TRPC4AP: variants seen among roughly 807,000 people sequenced by gnomAD.
TRPC4AP encodes short transient receptor potential channel 4-associated protein.
TRPC4AP carries 45 observed loss-of-function variants against 99.0 expected under a neutral mutation model. The observed-to-expected ratio is 0.45, with a 90% CI of 0.36 to 0.58. The LOEUF is 0.58. TRPC4AP is among the 20% of genes least tolerant of loss of function. TRPC4AP has a pLI of 0.00. For synonymous variants in TRPC4AP, 408 were observed against 385.8 expected, an observed-to-expected ratio of 1.06 and a Z score of -0.67; for missense variants, 879 against 985.3, an observed-to-expected ratio of 0.89 and a Z score of 1.44.
chr20:35,049,785 G>A, intron 6 of TRPC4AP, 81 bp downstream of exon 6: 5 of 1,451,112 alleles, frequency 3.4e-6, no homozygotes, highest in Non-Finnish European at 3.7e-6. Context: ...TTTTAAAAAA[G>A]CTCTGTATAT....
Position 35,016,238 on chromosome 20 carries a change from G to A in TRPC4AP, c.1219-99C>T, listed in dbSNP as rs530550599. 3.4e-5 allele frequency: 49 copies of A among 1,441,360 alleles called. No individual in the cohort carries two copies. The East Asian group carries it at 1.1e-3, about 32-fold the overall frequency. 89.3% of individuals were successfully genotyped at this position (1,441,360 alleles called of 1,614,324 possible). On this transcript the variant is annotated intron_variant, in intron 9 of 18. Transcript: ENST00000252015. ...CACACGATAATGATATTCAGGACAA[G>A]TATCAGTACTGTCAGTAAGGAGGGC...
intron 1 of TRPC4AP, among the ~76,000 whole-genome samples, chr20:35,083,836 A>C (rs2084721011): frequency 6.6e-6 from 1 of 151,852 alleles, no homozygotes; most frequent in Non-Finnish European, 1.5e-5. Context: ...AGAAAGAAAA[A>C]TGCTCTGGAT....
chr20:35,007,766 G>T, intron 13 of TRPC4AP, 126 bp from the exon 14 acceptor site: 1 of 956,508 alleles, frequency 1.0e-6, no homozygotes, highest in East Asian at 2.5e-5. Context: ...CATCTACCAA[G>T]CATCAGGCTT....
intron 1 of TRPC4AP, among the ~76,000 whole-genome samples, chr20:35,089,037 C>T (rs558346975): frequency 1.0e-5 from 1 of 97,174 alleles, no homozygotes; most frequent in Admixed American, 1.4e-4. Context: ...CTTAACTATA[C>T]ACCTTTTTTT....
rs1215806235 is a variant in TRPC4AP, at chr20:35,049,820, T to C, written c.657+46A>G. On this transcript the variant is annotated intron_variant, in intron 6 of 18. Transcript: ENST00000252015. ...TTATTCAGTTTTGAGAATCCAATGGTCTGAGACACCCTTCCCCATCTGGTC... is the reference window on the plus strand; with the variant it reads ...TTATTCAGTTTTGAGAATCCAATGGCCTGAGACACCCTTCCCCATCTGGTC... The C allele has an allele frequency of 2.5e-6, 4 of 1,574,020 alleles. No homozygotes were observed. The South Asian group carries it at 4.7e-5, about 19-fold the overall frequency.
In TRPC4AP at chr20:35,068,908, G is replaced by A. The variant is rs535209390; in HGVS notation, c.414+388C>T. On this transcript the variant is annotated intron_variant, in intron 3 of 18. Coordinates refer to ENST00000252015, the MANE Select transcript of TRPC4AP (RefSeq NM_015638.3). Reference sequence around the variant, plus strand: ...GTATATGGTATATCACTCTATGTGCGGAGAAAATAAACTAAGGTGGAGGTG... The same window carrying A: ...GTATATGGTATATCACTCTATGTGCAGAGAAAATAAACTAAGGTGGAGGTG... 1.7e-4 allele frequency among the ~76,000 whole-genome samples: 26 copies of A among 149,878 alleles called. No homozygotes were observed. The South Asian group carries it at 3.2e-3, about 18-fold the overall frequency.
intron 8 of TRPC4AP, among the ~76,000 whole-genome samples, chr20:35,022,728 T>C (rs1463512335): frequency 6.6e-6 from 1 of 152,132 alleles, no homozygotes; most frequent in Non-Finnish European, 1.5e-5. Context: ...CAGAAGACCC[T>C]AACTTATTCC....
chr20:35,049,871 T>C lies in TRPC4AP; in HGVS notation c.652A>G (p.Lys218Glu). 6.2e-7 allele frequency: 1 copy of C among 1,613,218 alleles called. No individual in the cohort carries two copies. Among genetic ancestry groups the C allele is most frequent in the Non-Finnish European group, 8.5e-7 (1 of 1,179,536 alleles). The change falls in exon 6 of 19, where the codon AAA (lysine) becomes GAA (glutamate). Residue 218 changes from lysine to glutamate, a missense_variant. Physicochemically the swap from Lys to Glu is moderately conservative, Grantham distance 56. Transcript: ENST00000252015. The part of the protein sequence containing the change: ...ATLIEDILGV[K>E]KEMIRLDEVP... ...AGCTAGAGGACACAGCTCACCTTTT[T>C]AACACCCAAAATATCTTCAATGAGG...
intron 11 of TRPC4AP, among the ~76,000 whole-genome samples, chr20:35,010,793 G>A (rs2082617951): frequency 6.6e-6 from 1 of 152,018 alleles, no homozygotes; most frequent in South Asian, 2.1e-4. Context: ...TATCCCACAG[G>A]AACTGAGTCA....
chr20:35,042,656 A>T (rs573200011), intron 7 of TRPC4AP, among the ~76,000 whole-genome samples: 1 of 152,338 alleles, frequency 6.6e-6, no homozygotes, highest in South Asian at 2.1e-4. Context: ...TTGAAAAACT[A>T]GCTTTTAAGA....
At chr20:35,037,334 G>A (rs1309393075) in intron 7 of TRPC4AP, among the ~76,000 whole-genome samples, 5 of 127,564 alleles carry the variant, frequency 3.9e-5, no homozygotes, top group African/African-American at 1.2e-4. Context: ...GCGAAAGAGC[G>A]AGACTCTGTC....
chr20:35,052,893 T>A (rs979566386), intron 5 of TRPC4AP, among the ~76,000 whole-genome samples: 1 of 152,180 alleles, frequency 6.6e-6, no homozygotes, highest in African/African-American at 2.4e-5. Context: ...ACACCAGCAA[T>A]TCCAAACATT....
chr20:35,072,713 C>T (rs772508432), intron 2 of TRPC4AP, among the ~76,000 whole-genome samples: 12 of 152,174 alleles, frequency 7.9e-5, no homozygotes, highest in East Asian at 1.9e-4. Flanking sequence ...AGTCAGGTAG[C>T]GTGATGCCTC....
intron 8 of TRPC4AP, among the ~76,000 whole-genome samples, chr20:35,022,091 G>A (rs755647335): frequency 6.6e-6 from 1 of 151,468 alleles, no homozygotes; most frequent in African/African-American, 2.5e-5. Flanking sequence ...GGGTTACTGT[G>A]CAGACTGAAT....
At chr20:35,031,892 TAA>T (rs1339666961) in intron 8 of TRPC4AP, among the ~76,000 whole-genome samples, 1 of 151,968 alleles carries the variant, frequency 6.6e-6, no homozygotes, top group African/African-American at 2.4e-5. Context: ...TTATACTACT[TAA>T]AAAAAAGTTT....
chr20:35,007,473 G>A (rs1415202794), intron 14 of TRPC4AP, 77 bp downstream of exon 14: 9 of 1,427,388 alleles, frequency 6.3e-6, no homozygotes, highest in Non-Finnish European at 8.8e-6. Flanking sequence ...TGAACTGTTT[G>A]GGGCTCAGGA....
At chr20:35,018,660 AAATTTGTAAAACAAATTTTACTTG>A in intron 9 of TRPC4AP, among the ~76,000 whole-genome samples, 1 of 151,770 alleles carries the variant, frequency 6.6e-6, no homozygotes, top group Non-Finnish European at 1.5e-5. Context: ...TTCATGTGTA[AAATTTGTAAAACAAATTTTACTTG>A]TAGAATGCAT....
intron 1 of TRPC4AP, among the ~76,000 whole-genome samples, chr20:35,086,952 G>C (rs2084901463): frequency 6.6e-6 from 1 of 151,842 alleles, no homozygotes; most frequent in South Asian, 2.1e-4. Flanking sequence ...GGAATCGCTT[G>C]AACCCGGGAA....
chr20:35,047,244 G>A (rs1439035409), intron 6 of TRPC4AP, among the ~76,000 whole-genome samples: 1 of 152,138 alleles, frequency 6.6e-6, no homozygotes, highest in African/African-American at 2.4e-5. Flanking sequence ...AGCTGTGTGT[G>A]CCTTTCCTAT....
Sources: allele counts gnomAD v4.1 joint callset (sites outside exome capture counted in the v4.1 genomes callset), GRCh38; gene constraint gnomAD v4.1.1; transcripts MANE v1.5; gene names NCBI Gene and HGNC (gene_info 2026-07-23, HGNC 2026-07-21).